The following UPRT variants were observed in gnomAD, a reference collection of about 807,000 sequenced individuals.
UPRT encodes the protein uracil phosphoribosyltransferase homolog.
A neutral mutation model predicts 22.6 loss-of-function variants in UPRT; 5 were observed. The ratio of observed to expected loss-of-function variants is 0.22; its 90% CI spans 0.12 to 0.47. UPRT has a LOEUF of 0.47. Among genes scored for constraint, UPRT ranks in the 20% least tolerant of loss-of-function variants. The pLI is 0.99. For synonymous variants in UPRT, 77 were observed against 87.7 expected (o/e 0.88, Z 0.68); for missense variants, 181 against 239.9 (o/e 0.75, Z 1.62).
rs963199861 is a variant in UPRT, at chrX:75,304,422, A to C, written c.*911A>C. 4 of 111,409 alleles carry C rather than the reference A, an allele frequency of 3.6e-5. No individual in the cohort carries two copies. Among genetic ancestry groups the C allele is most frequent in the Non-Finnish European group, 7.5e-5 (4 of 53,157 alleles). 9.2% of individuals were successfully genotyped at this position (111,409 alleles called of 1,213,427 possible). ...GTTATTTTGCATGTTTGTCAACTGT[A>C]TATGTATGAAAATAGAAAAAAACCA... On this transcript the variant is annotated 3_prime_UTR_variant, in exon 7 of 7. Coordinates refer to ENST00000373383, the MANE Select transcript of UPRT (RefSeq NM_145052.4).
intron 1 of UPRT, chrX:75,291,310 T>C (rs887704494): frequency 3.6e-6 from 1 of 278,467 alleles, no homozygotes; most frequent in African/African-American, 2.8e-5. Context: ...TGTGCATGTG[T>C]GTTTTTTACA....
chrX:75,197,176 G>T (rs1194573878), intron 4 of UPRT, among the ~76,000 whole-genome samples: 1 of 111,453 alleles, frequency 9.0e-6, no homozygotes, highest in Admixed American at 9.6e-5. Context: ...CTTAAGCAAA[G>T]GCCAGCAACC....
chrX:75,199,736 T>TA (rs960253700), intron 4 of UPRT, among the ~76,000 whole-genome samples: 4 of 111,518 alleles, frequency 3.6e-5, no homozygotes, highest in African/African-American at 6.5e-5. Context: ...CGCAATTCTT[T>TA]AAAAAAAATT....
chrX:75,226,418 G>C (rs1320977851), intron 4 of UPRT, among the ~76,000 whole-genome samples: 1 of 111,650 alleles, frequency 9.0e-6, no homozygotes, highest in Non-Finnish European at 1.9e-5. Context: ...GGAAAGTTAT[G>C]TTCTCACAAT....
intron 4 of UPRT, among the ~76,000 whole-genome samples, chrX:75,175,756 A>G (rs2082244486): frequency 9.0e-6 from 1 of 111,464 alleles, no homozygotes; most frequent in Non-Finnish European, 1.9e-5. Flanking sequence ...AGTAAACCAC[A>G]CTGATAACAA....
intron 1 of UPRT, among the ~76,000 whole-genome samples, chrX:75,281,356 A>T (rs2082655916): frequency 9.0e-6 from 1 of 111,481 alleles, no homozygotes; most frequent in Admixed American, 9.5e-5. Flanking sequence ...CTTAGAGTGA[A>T]TGCTTTGAAC....
At chrX:75,183,750 G>C (rs1164702661) in intron 4 of UPRT, among the ~76,000 whole-genome samples, 1 of 112,175 alleles carries the variant, frequency 8.9e-6, no homozygotes, top group Non-Finnish European at 1.9e-5. Flanking sequence ...TTGTGGTTTT[G>C]ATTTGCATTT....
intron 4 of UPRT, among the ~76,000 whole-genome samples, chrX:75,209,636 G>C (rs765535703): frequency 7.1e-5 from 8 of 112,526 alleles, no homozygotes; most frequent in Non-Finnish European, 1.5e-4. Flanking sequence ...GCCTCCCAAA[G>C]TGCTGGAATT....
chrX:75,299,698 T>C, intron 4 of UPRT, 37 bp from the exon 5 acceptor site: 2 of 1,177,671 alleles, frequency 1.7e-6, no homozygotes, highest in African/African-American at 3.5e-5. Context: ...TCTCTCTCTT[T>C]CCCCTAATCT....
At chrX:75,179,220 T>C (rs1271069329) in intron 4 of UPRT, among the ~76,000 whole-genome samples, 2 of 111,055 alleles carry the variant, frequency 1.8e-5, no homozygotes, top group African/African-American at 6.6e-5. Context: ...TGTCGATTGG[T>C]GCACTCACAA....
chrX:75,191,556 C>G (rs1017692945), intron 4 of UPRT, among the ~76,000 whole-genome samples: 2 of 111,426 alleles, frequency 1.8e-5, no homozygotes, highest in Non-Finnish European at 3.8e-5. Flanking sequence ...GCCCTGCCCC[C>G]AGAGGTGAAG....
At chrX:75,182,310 A>G (rs1312724141) in intron 4 of UPRT, among the ~76,000 whole-genome samples, 2 of 111,508 alleles carry the variant, frequency 1.8e-5, no homozygotes, top group African/African-American at 6.5e-5. Context: ...ATTGGTCTGA[A>G]GTTTTCTTTT....
upstream of UPRT, among the ~76,000 whole-genome samples, chrX:75,273,036 G>C (rs1199248632): frequency 1.8e-5 from 2 of 111,748 alleles, no homozygotes; most frequent in African/African-American, 6.5e-5. Flanking sequence ...GGACATGGAT[G>C]GAGCTGGAGC....
chrX:75,218,962 A>G (rs978475483), intron 4 of UPRT, among the ~76,000 whole-genome samples: 10 of 110,810 alleles, frequency 9.0e-5, no homozygotes, highest in African/African-American at 3.3e-4. Context: ...TGGGTGCAGC[A>G]CACCGGCATG....
At chrX:75,201,337 T>G (rs992362102) in intron 4 of UPRT, among the ~76,000 whole-genome samples, 5 of 112,700 alleles carry the variant, frequency 4.4e-5, no homozygotes, top group African/African-American at 1.6e-4. Context: ...TCAAAATTCC[T>G]TATATCATAA....
chrX:75,233,232 GA>G (rs1186773352), intron 4 of UPRT, among the ~76,000 whole-genome samples: 2 of 110,059 alleles, frequency 1.8e-5, no homozygotes, highest in Non-Finnish European at 3.8e-5. Flanking sequence ...GGGAAGTTTA[GA>G]GAAAAAAGAA....
chrX:75,196,463 A>G (rs1433583947), intron 4 of UPRT, among the ~76,000 whole-genome samples: 1 of 112,968 alleles, frequency 8.9e-6, no homozygotes, highest in African/African-American at 3.2e-5. Flanking sequence ...ACAGTGGTCT[A>G]GGACTGATTA....
rs376994287 is a variant in UPRT at position 75,172,123 on chromosome X, T to A, written c.-447+4244T>A. On this transcript the variant is annotated intron_variant, in intron 4 of 13. Coordinates refer to the UPRT transcript ENST00000652605. ...CTATGGTAGTATAGGAAGGATCAGG[T>A]GATCGGTGGAGCTCTAGAACTCTCT... 2.3e-4 allele frequency among the ~76,000 whole-genome samples: 26 copies of A among 111,909 alleles called. 1 individual carries two copies. In the East Asian group the frequency reaches 2.8e-3, roughly 12 times the overall value.
chrX:75,187,663 T>C (rs1480784987), intron 4 of UPRT, among the ~76,000 whole-genome samples: 2 of 111,990 alleles, frequency 1.8e-5, no homozygotes, highest in Non-Finnish European at 3.8e-5. Flanking sequence ...GGTACACCAA[T>C]CAGATGTAGA....
Sources: allele counts gnomAD v4.1 joint callset (sites outside exome capture counted in the v4.1 genomes callset), GRCh38; gene constraint gnomAD v4.1.1; transcripts MANE v1.5; gene names NCBI Gene and HGNC (gene_info 2026-07-23, HGNC 2026-07-21).